CDH13: variants seen among roughly 807,000 people sequenced by gnomAD.
CDH13 encodes cadherin 13.
In CDH13, 24 loss-of-function variants were observed where a neutral mutation model predicts 63.8. That is an observed-to-expected ratio of 0.38 (90% CI 0.27 to 0.53). CDH13 has a LOEUF of 0.53. CDH13 is among the 20% of genes least tolerant of loss of function. The pLI is 0.85. For synonymous variants in CDH13, 503 were observed against 355.3 expected (o/e 1.42, Z -4.67); for missense variants, 1,049 against 903.1 (o/e 1.16, Z -2.07).
intron 2 of CDH13, among the ~76,000 whole-genome samples, chr16:82,986,616 T>C (rs928975918): frequency 2.0e-5 from 3 of 152,212 alleles, no homozygotes; most frequent in Non-Finnish European, 4.4e-5. Flanking sequence ...TAAGGTCTTC[T>C]TCCTGTGTCT....
chr16:83,440,175 A>G (rs2072440649), intron 6 of CDH13, among the ~76,000 whole-genome samples: 1 of 152,228 alleles, frequency 6.6e-6, no homozygotes. Flanking sequence ...AGTGAAGTAA[A>G]GCTTTTATCA....
intron 5 of CDH13, among the ~76,000 whole-genome samples, chr16:83,248,615 C>G (rs995431591): frequency 2.0e-5 from 3 of 152,164 alleles, no homozygotes; most frequent in African/African-American, 7.2e-5. Context: ...CCGTTTCTGT[C>G]TCTCAGAATA....
Position 83,486,463 on chromosome 16 carries a change from T to C in CDH13, c.782-14T>C. The C allele has an allele frequency of 6.2e-7, 1 of 1,608,500 alleles. No homozygotes were observed. The highest frequency in any genetic ancestry group is 8.5e-7 in the Non-Finnish European group (1 of 1,176,570). ...TTGATAACCATTCCGTGCCTTTCTG[T>C]CTTGCCCCGGTAGGCACCACAGTGA... On this transcript the variant is annotated splice_polypyrimidine_tract_variant and intron_variant, in intron 6 of 13. Coordinates refer to ENST00000567109, the MANE Select transcript of CDH13 (RefSeq NM_001257.5).
chr16:83,289,158 G>T (rs2089403580), intron 5 of CDH13, among the ~76,000 whole-genome samples: 1 of 152,222 alleles, frequency 6.6e-6, no homozygotes, highest in Admixed American at 6.5e-5. Flanking sequence ...TGGAGGCGAA[G>T]ACCAGGAAGA....
In CDH13 at chr16:82,644,859, C is replaced by G. The variant is rs752087066; in HGVS notation, c.45+17722C>G. Among the ~76,000 whole-genome samples the G allele has an allele frequency of 8.5e-5, 13 of 152,108 alleles. No individual in the cohort carries two copies. Among genetic ancestry groups the G allele is most frequent in the Non-Finnish European group, 1.8e-4 (12 of 68,024 alleles). On this transcript the variant is annotated intron_variant, in intron 1 of 13. Coordinates refer to ENST00000567109, the MANE Select transcript of CDH13 (RefSeq NM_001257.5). This position sits in a 1 kb window ranked among gnomAD's most constrained non-coding sequence, Gnocchi z 5.7. ...AGCATAGCGTTTTGCAAAATGTGTT[C>G]TGAAGAGATACTGGTTCCATGGGAG...
intron 5 of CDH13, among the ~76,000 whole-genome samples, chr16:83,253,784 T>C (rs1905878385): frequency 6.6e-6 from 1 of 152,242 alleles, no homozygotes; most frequent in Non-Finnish European, 1.5e-5. Flanking sequence ...GATTTGTCAT[T>C]ATGTACACAC....
At chr16:83,450,694 C>T (rs1445815724) in intron 6 of CDH13, among the ~76,000 whole-genome samples, 2 of 152,072 alleles carry the variant, frequency 1.3e-5, no homozygotes, top group Admixed American at 1.3e-4. Flanking sequence ...CATAGTGAAA[C>T]CCTGTCTCTA....
intron 2 of CDH13, among the ~76,000 whole-genome samples, chr16:82,999,786 C>A (rs1041609943): frequency 2.0e-5 from 3 of 152,206 alleles, no homozygotes; most frequent in African/African-American, 7.2e-5. Flanking sequence ...TTCCATATAT[C>A]TCTGTCCTCA....
chr16:82,958,448 G>C (rs375573922), intron 2 of CDH13, among the ~76,000 whole-genome samples: 2 of 152,154 alleles, frequency 1.3e-5, no homozygotes, highest in South Asian at 4.1e-4. Flanking sequence ...CCAGTGTCAG[G>C]GAGATGGCCC....
At chr16:83,379,029 G>A (rs993032200) in intron 6 of CDH13, among the ~76,000 whole-genome samples, 13 of 150,872 alleles carry the variant, frequency 8.6e-5, no homozygotes, top group African/African-American at 3.1e-4. Context: ...ACACACACGT[G>A]TGTGTATAAC....
chr16:83,207,830 A>C (rs1214415504), intron 4 of CDH13, among the ~76,000 whole-genome samples: 1 of 152,094 alleles, frequency 6.6e-6, no homozygotes, highest in African/African-American at 2.4e-5. Flanking sequence ...CTCAGAAAAT[A>C]ATGCAAAAAA....
intron 10 of CDH13, among the ~76,000 whole-genome samples, chr16:83,685,091 G>A (rs1041713150): frequency 6.6e-6 from 1 of 152,186 alleles, no homozygotes; most frequent in African/African-American, 2.4e-5. Flanking sequence ...GGAGAAAGAA[G>A]AGGGATACTC....
At chr16:83,751,676 G>A (rs898545296) in intron 11 of CDH13, among the ~76,000 whole-genome samples, 6 of 152,166 alleles carry the variant, frequency 3.9e-5, no homozygotes, top group East Asian at 1.9e-4. Flanking sequence ...CAGAGTCTGC[G>A]CAAGCATAAC....
At chr16:82,980,385 G>A (rs1248624233) in intron 2 of CDH13, among the ~76,000 whole-genome samples, 1 of 152,222 alleles carries the variant, frequency 6.6e-6, no homozygotes, top group Non-Finnish European at 1.5e-5. Flanking sequence ...AGGTGGTGAA[G>A]GGAGGAGCTG....
chr16:83,266,584 C>T (rs1231435032), intron 5 of CDH13, among the ~76,000 whole-genome samples: 1 of 152,180 alleles, frequency 6.6e-6, no homozygotes, highest in Non-Finnish European at 1.5e-5. Flanking sequence ...GCATCATCTC[C>T]CCTCTTCACA....
intron 10 of CDH13, chr16:83,726,018 A>G (rs866299040): frequency 2.0e-5 from 3 of 152,122 alleles, no homozygotes; most frequent in Non-Finnish European, 4.4e-5. Context: ...TCCTGACTTT[A>G]TTTTTCTCAG....
chr16:82,854,783 C>G (rs561014166), intron 1 of CDH13, among the ~76,000 whole-genome samples: 3 of 152,256 alleles, frequency 2.0e-5, no homozygotes, highest in Non-Finnish European at 4.4e-5. Context: ...TCTATATTTT[C>G]CTTTCCAGTT....
At chr16:83,192,840 G>A (rs562380006) in intron 4 of CDH13, among the ~76,000 whole-genome samples, 3 of 152,066 alleles carry the variant, frequency 2.0e-5, no homozygotes, top group Non-Finnish European at 4.4e-5. Flanking sequence ...CATTGCAATC[G>A]ACTCGGGGCG....
At chr16:83,445,289 G>GA (rs1208438269) in intron 6 of CDH13, among the ~76,000 whole-genome samples, 2 of 123,662 alleles carry the variant, frequency 1.6e-5, no homozygotes, top group African/African-American at 2.9e-5. Flanking sequence ...TTTATAAAAG[G>GA]TTTTATAAAT....
Sources: gnomAD v4.1 joint callset for allele counts (sites outside exome capture counted in the v4.1 genomes callset) on GRCh38, gnomAD v4.1.1 for gene constraint, Gnocchi (gnomAD v3.1) non-coding constraint, MANE v1.5 for transcripts, NCBI Gene and HGNC (gene_info 2026-07-23, HGNC 2026-07-21) for gene names.